Variants in RBFOX1 observed in about 807,000 individuals in gnomAD.
RBFOX1 encodes the protein RNA binding protein fox-1 homolog 1.
A neutral mutation model predicts 57.7 loss-of-function variants in RBFOX1; 8 were observed. The observed-to-expected ratio is 0.14, with a 90% CI of 0.08 to 0.25. The LOEUF is 0.25. RBFOX1 is among the 10% of genes least tolerant of loss of function. The pLI is 1.00. For missense variants in RBFOX1, 611 were observed against 548.5 expected (o/e 1.11, Z -1.14); for synonymous variants, 326 against 222.4 (o/e 1.47, Z -4.15).
chr16:7,421,797 A>C (rs925513047), intron 4 of RBFOX1, among the ~76,000 whole-genome samples: 2 of 152,264 alleles, frequency 1.3e-5, no homozygotes, highest in African/African-American at 4.8e-5. Flanking sequence ...GTTTTCTGAC[A>C]TGCAAAATAA....
intron 5 of RBFOX1, among the ~76,000 whole-genome samples, chr16:7,546,612 G>C (rs928845192): frequency 6.6e-6 from 1 of 152,174 alleles, no homozygotes; most frequent in Admixed American, 6.5e-5. Context: ...AAAATGCAAA[G>C]ATGATACCTG....
intron 3 of RBFOX1, among the ~76,000 whole-genome samples, chr16:5,809,050 C>G (rs1465717155): frequency 6.6e-6 from 1 of 152,118 alleles, no homozygotes; most frequent in African/African-American, 2.4e-5. Context: ...TTTGACAAAC[C>G]TGAGAAAAAC....
chr16:5,273,990 A>G (rs2063080594), intron 1 of RBFOX1, among the ~76,000 whole-genome samples: 1 of 152,212 alleles, frequency 6.6e-6, no homozygotes, highest in African/African-American at 2.4e-5. Flanking sequence ...CATTTCCTAC[A>G]TCCGGGTGTG....
chr16:6,937,527 G>C (rs995980805), intron 3 of RBFOX1, among the ~76,000 whole-genome samples: 4 of 152,210 alleles, frequency 2.6e-5, no homozygotes. Context: ...GAGATCCTGA[G>C]AACACACACC....
intron 3 of RBFOX1, among the ~76,000 whole-genome samples, chr16:5,861,959 G>A (rs990218730): frequency 2.6e-5 from 4 of 152,186 alleles, no homozygotes; most frequent in African/African-American, 9.7e-5. Flanking sequence ...CTGTACGTGA[G>A]ATTAAAGTTT....
At chr16:6,684,571 C>T (rs1157582287) in intron 3 of RBFOX1, among the ~76,000 whole-genome samples, 1 of 152,144 alleles carries the variant, frequency 6.6e-6, no homozygotes, top group Non-Finnish European at 1.5e-5. Flanking sequence ...GGCTGCAATC[C>T]CCTCTGTCCT....
In RBFOX1 at chr16:5,500,241, C is replaced by T. The variant is rs577394665; in HGVS notation, c.258+32987C>T. On this transcript the variant is annotated intron_variant, in intron 2 of 2. Transcript: ENST00000585867. ...CGTTCCGTTCCGTTCCATTCCATTC[C>T]ATTCTGTTCCATTCGTTTTTGCCCA... is the stretch of plus-strand genomic sequence containing the variant. Among the ~76,000 whole-genome samples the T allele has an allele frequency of 6.2e-3, 925 of 149,544 alleles. 10 individuals carry two copies. Among genetic ancestry groups the T allele is most frequent in the African/African-American group, 0.021 (868 of 41,090 alleles).
chr16:7,193,371 C>G (rs922043081), intron 4 of RBFOX1, among the ~76,000 whole-genome samples: 5 of 152,212 alleles, frequency 3.3e-5, no homozygotes, highest in East Asian at 1.9e-4. Flanking sequence ...ACATGCCCCA[C>G]AAACTCCTTA....
intron 1 of RBFOX1, among the ~76,000 whole-genome samples, chr16:6,225,023 A>G (rs1277206219): frequency 6.4e-4 from 2 of 3,122 alleles, no homozygotes; most frequent in Non-Finnish European, 6.1e-3. Context: ...CCATCTCAAA[A>G]AAAAAAAAAA....
intron 3 of RBFOX1, among the ~76,000 whole-genome samples, chr16:5,607,706 G>A (rs1376982750): frequency 1.3e-5 from 2 of 152,078 alleles, no homozygotes; most frequent in Non-Finnish European, 1.5e-5. Flanking sequence ...TCTCTCTGTC[G>A]ACACTACCTG....
chr16:7,503,043 T>C (rs2071527335), intron 4 of RBFOX1, among the ~76,000 whole-genome samples: 1 of 151,994 alleles, frequency 6.6e-6, no homozygotes, highest in South Asian at 2.1e-4. Flanking sequence ...AATAAATTAT[T>C]CTAAATTTAT....
chr16:5,626,450 T>C (rs1476686157), intron 3 of RBFOX1, among the ~76,000 whole-genome samples: 1 of 152,188 alleles, frequency 6.6e-6, no homozygotes, highest in Non-Finnish European at 1.5e-5. Context: ...TAATTACCTG[T>C]CTTTCAAGAC....
intron 4 of RBFOX1, among the ~76,000 whole-genome samples, chr16:5,965,242 T>C (rs762598370): frequency 6.6e-5 from 10 of 152,192 alleles, no homozygotes; most frequent in Non-Finnish European, 2.9e-5. Context: ...ATAGTGACTA[T>C]AGTTAATAAT....
At chr16:6,707,593 A>C (rs531301254) in intron 3 of RBFOX1, among the ~76,000 whole-genome samples, 1 of 151,434 alleles carries the variant, frequency 6.6e-6, no homozygotes, top group Non-Finnish European at 1.5e-5. Flanking sequence ...TTGACAGTCA[A>C]TGGACATACT....
intron 3 of RBFOX1, among the ~76,000 whole-genome samples, chr16:6,703,441 G>A (rs534094436): frequency 2.6e-5 from 4 of 152,020 alleles, no homozygotes; most frequent in South Asian, 2.1e-4. Flanking sequence ...GCCAGGTATC[G>A]TGGTACATGC....
intron 3 of RBFOX1, among the ~76,000 whole-genome samples, chr16:6,781,311 T>C (rs1304846968): frequency 2.6e-5 from 4 of 152,172 alleles, no homozygotes; most frequent in African/African-American, 9.7e-5. Flanking sequence ...CTTTTTAATA[T>C]GTTGAATTTG....
intron 3 of RBFOX1, among the ~76,000 whole-genome samples, chr16:6,844,932 T>G (rs1337441058): frequency 6.6e-6 from 1 of 152,184 alleles, no homozygotes; most frequent in Non-Finnish European, 1.5e-5. Flanking sequence ...TCTCTAATGA[T>G]CAGTGATACT....
intron 1 of RBFOX1, among the ~76,000 whole-genome samples, chr16:6,059,009 G>T (rs2095651863): frequency 6.6e-6 from 1 of 152,208 alleles, no homozygotes; most frequent in Non-Finnish European, 1.5e-5. Flanking sequence ...AAATGAATGT[G>T]AAAGAATGCC....
chr16:5,593,022 G>A (rs1462945521), intron 2 of RBFOX1, among the ~76,000 whole-genome samples: 1 of 152,126 alleles, frequency 6.6e-6, no homozygotes, highest in Non-Finnish European at 1.5e-5. Context: ...TGTGAGATAG[G>A]AAGTCAGCAC....
Sources: allele counts gnomAD v4.1 joint callset (sites outside exome capture counted in the v4.1 genomes callset), GRCh38; gene constraint gnomAD v4.1.1; transcripts MANE v1.5; gene names NCBI Gene and HGNC (gene_info 2026-07-23, HGNC 2026-07-21).